Variants in DSCAM observed in about 807,000 individuals in gnomAD.
DSCAM encodes the protein cell adhesion molecule DSCAM.
A neutral mutation model predicts 217.7 loss-of-function variants in DSCAM; 47 were observed. The ratio of observed to expected loss-of-function variants is 0.22; its 90% confidence interval spans 0.17 to 0.28. The LOEUF (loss-of-function observed/expected upper bound fraction) is 0.28. Among genes scored for constraint, DSCAM ranks in the 10% least tolerant of loss-of-function variants. DSCAM has a pLI of 1.00. For missense variants in DSCAM, 2,080 were observed against 2,618.3 expected (o/e 0.79, Z 4.49); for synonymous variants, 1,056 against 1,015.3 (o/e 1.04, Z -0.76).
chr21:40,595,717 C>T (rs888732098), intron 3 of DSCAM, among the ~76,000 whole-genome samples: 1 of 152,160 alleles, frequency 6.6e-6, no homozygotes, highest in African/African-American at 2.4e-5. Flanking sequence ...GGATCAGATC[C>T]AAATATAGTT....
intron 1 of DSCAM, among the ~76,000 whole-genome samples, chr21:40,775,645 T>A (rs2123405956): frequency 6.6e-6 from 1 of 152,280 alleles, no homozygotes; most frequent in South Asian, 2.1e-4. Flanking sequence ...AACTCTAGGT[T>A]CGCCAACCTT....
In DSCAM at chr21:40,195,437, G is replaced by C. The variant is rs190888696; in HGVS notation, c.2357-6199C>G. 1.1e-4 allele frequency among the ~76,000 whole-genome samples: 17 copies of C among 152,276 alleles called. No homozygotes were observed. In the East Asian group the frequency reaches 3.3e-3, roughly 29 times the overall value. ...ACAAGATTCCTGTCACAAGCATCTG[G>C]CTCAATACTTTCATTTTATAGAGAA... On this transcript the variant is annotated intron_variant, in intron 11 of 32. Transcript: ENST00000400454.
Position 40,409,791 on chromosome 21 carries a change from A to G in DSCAM, c.509-40546T>C, listed in dbSNP as rs1338980363. ...TCTAGACTGGAACCATGCAAACAAGAACTGTGCAAACAAGGCTTAAAGCAA... is the reference window on the plus strand; with the variant it reads ...TCTAGACTGGAACCATGCAAACAAGGACTGTGCAAACAAGGCTTAAAGCAA... On this transcript the variant is annotated intron_variant, in intron 3 of 32. Transcript: ENST00000400454. Among the ~76,000 whole-genome samples, 5 of 152,336 alleles carry G rather than the reference A, an allele frequency of 3.3e-5. No individual in the cohort carries two copies. In the East Asian group the frequency reaches 9.6e-4, roughly 29 times the overall value.
chr21:40,242,764 A>G (rs937019137), intron 11 of DSCAM, among the ~76,000 whole-genome samples: 1 of 152,144 alleles, frequency 6.6e-6, no homozygotes, highest in African/African-American at 2.4e-5. Flanking sequence ...CCCTGCCCCC[A>G]ACCCCACAGT....
intron 3 of DSCAM, among the ~76,000 whole-genome samples, chr21:40,542,681 C>A (rs1481462314): frequency 6.6e-6 from 1 of 152,192 alleles, no homozygotes; most frequent in Non-Finnish European, 1.5e-5. Flanking sequence ...AGACTTCCAG[C>A]CCCCAAAACA....
At chr21:40,720,586 G>A (rs552985878) in intron 1 of DSCAM, among the ~76,000 whole-genome samples, 82 of 151,834 alleles carry the variant, frequency 5.4e-4, no homozygotes, top group Middle Eastern at 3.4e-3. Context: ...ATGAAATTCT[G>A]TCTCTGTCCA....
chr21:40,131,650 C>T (rs1343001384), intron 19 of DSCAM, among the ~76,000 whole-genome samples: 2 of 152,132 alleles, frequency 1.3e-5, no homozygotes, highest in African/African-American at 4.8e-5. Flanking sequence ...GTCTCGAACT[C>T]CTGGCCTCAA....
chr21:40,164,893 A>G (rs2090577668), intron 16 of DSCAM, among the ~76,000 whole-genome samples: 1 of 152,238 alleles, frequency 6.6e-6, no homozygotes, highest in East Asian at 1.9e-4. Flanking sequence ...TGCTTATTCA[A>G]TGATAATTAA....
rs374509591 is a variant in DSCAM at position 40,611,474 on chromosome 21, A to G, written c.508+81336T>C. Among the ~76,000 whole-genome samples, 71 of 152,300 alleles carry G rather than the reference A, an allele frequency of 4.7e-4. 1 individual carries two copies. Among genetic ancestry groups the G allele is most frequent in the Admixed American group, 2.6e-3 (40 of 15,280 alleles). Reference sequence around the variant, plus strand: ...AATTGATACCCTTTGATGTGACACCATGTCTTTGAAAAAGGGTATGTATTT... The same window carrying G: ...AATTGATACCCTTTGATGTGACACCGTGTCTTTGAAAAAGGGTATGTATTT... On this transcript the variant is annotated intron_variant, in intron 3 of 32. Transcript: ENST00000400454.
intron 11 of DSCAM, among the ~76,000 whole-genome samples, chr21:40,246,292 G>A (rs1359097544): frequency 7.7e-6 from 1 of 129,864 alleles, no homozygotes; most frequent in Non-Finnish European, 1.6e-5. Flanking sequence ...CAAGGCAGGT[G>A]AATCAAATGA....
chr21:40,257,221 C>T (rs752129319), intron 11 of DSCAM, among the ~76,000 whole-genome samples: 1 of 152,222 alleles, frequency 6.6e-6, no homozygotes. Context: ...TTCATATGCA[C>T]TGGCCTAGTA....
chr21:40,830,408 G>A (rs1205526794), intron 1 of DSCAM, among the ~76,000 whole-genome samples: 1 of 152,220 alleles, frequency 6.6e-6, no homozygotes, highest in Non-Finnish European at 1.5e-5. Context: ...TCTCCCACCA[G>A]GCCCCACCTC....
intron 8 of DSCAM, 145 bp downstream of exon 8, chr21:40,337,956 T>A: frequency 1.9e-6 from 2 of 1,044,940 alleles, no homozygotes; most frequent in Non-Finnish European, 2.8e-6. Flanking sequence ...AAAGAGGACA[T>A]CTCATGTTCC....
chr21:40,011,963 T>A lies in DSCAM; in HGVS notation c.*1071A>T, dbSNP rs2088063388. ...GGGCCAGGTAATAAATATTTTAGGC[T>A]TCATGGGCTATACCATCTCTGCTGC... is the stretch of plus-strand genomic sequence containing the variant. On this transcript the variant is annotated 3_prime_UTR_variant, in exon 33 of 33. Coordinates refer to ENST00000400454, the MANE Select transcript of DSCAM (RefSeq NM_001389.5). 6.6e-6 allele frequency: 1 copy of A among 152,206 alleles called. No homozygotes were observed. Among genetic ancestry groups the A allele is most frequent in the African/African-American group, 2.4e-5 (1 of 41,454 alleles). The allele number at this position is 152,206 out of a possible 1,614,324, so 9.4% of individuals were successfully genotyped here.
intron 1 of DSCAM, among the ~76,000 whole-genome samples, chr21:40,805,082 A>C (rs2091774200): frequency 6.6e-6 from 1 of 151,814 alleles, no homozygotes; most frequent in Non-Finnish European, 1.5e-5. Flanking sequence ...AGCTGTCATG[A>C]CCTCCCAAAT....
intron 3 of DSCAM, among the ~76,000 whole-genome samples, chr21:40,560,919 T>C (rs1239205622): frequency 2.0e-5 from 3 of 152,162 alleles, no homozygotes; most frequent in African/African-American, 7.2e-5. Context: ...AGCCAAATAT[T>C]GTCATAGTAA....
intron 3 of DSCAM, among the ~76,000 whole-genome samples, chr21:40,574,690 T>C (rs58143515): frequency 0.012 from 1,713 of 147,854 alleles, 30 homozygotes; most frequent in African/African-American, 0.041. Context: ...AAAAAGAGAA[T>C]CACATAAGGT....
chr21:40,669,380 C>T (rs575286331), intron 3 of DSCAM, among the ~76,000 whole-genome samples: 26 of 152,208 alleles, frequency 1.7e-4, no homozygotes, highest in African/African-American at 5.5e-4. Context: ...GTAATTAGTA[C>T]TTGGATACTC....
chr21:40,479,158 A>G (rs2075961633), intron 3 of DSCAM, among the ~76,000 whole-genome samples: 1 of 152,168 alleles, frequency 6.6e-6, no homozygotes. Context: ...TATAAATTCT[A>G]TTATTGTCCT....
Sources: gnomAD v4.1 joint callset for allele counts (sites outside exome capture counted in the v4.1 genomes callset) on GRCh38, gnomAD v4.1.1 for gene constraint, MANE v1.5 for transcripts, NCBI Gene and HGNC (gene_info 2026-07-23, HGNC 2026-07-21) for gene names.